The following KCNIP4 variants were observed in gnomAD, a reference collection of about 807,000 sequenced individuals.
KCNIP4 encodes Kv channel-interacting protein 4.
In KCNIP4, 12 loss-of-function variants were observed where a neutral mutation model predicts 34.0. That is an observed-to-expected ratio of 0.35 (90% CI 0.23 to 0.57). The LOEUF (loss-of-function observed/expected upper bound fraction) is 0.57, where lower values mean the gene tolerates loss of function less well. KCNIP4 is among the 20% of genes least tolerant of loss of function. The pLI is 0.83. For synonymous variants in KCNIP4, 124 were observed against 102.2 expected, an observed-to-expected ratio of 1.21 and a Z score of -1.29; for missense variants, 238 against 311.7, an observed-to-expected ratio of 0.76 and a Z score of 1.78.
At chr4:20,837,686 A>ATTTTTTTTT (rs1318687393) in intron 3 of KCNIP4, among the ~76,000 whole-genome samples, 1 of 117,400 alleles carries the variant, frequency 8.5e-6, no homozygotes, top group African/African-American at 3.4e-5. Context: ...ATATATATAT[A>ATTTTTTTTT]TTTTTTTTTC....
chr4:21,423,971 C>A (rs1007495787), intron 1 of KCNIP4, among the ~76,000 whole-genome samples: 10 of 135,464 alleles, frequency 7.4e-5, no homozygotes, highest in South Asian at 2.3e-4. Context: ...CCATGCCCGG[C>A]CAATTTTTTT....
chr4:20,764,357 A>T (rs1199125437), intron 3 of KCNIP4, among the ~76,000 whole-genome samples: 2 of 152,042 alleles, frequency 1.3e-5, no homozygotes, highest in African/African-American at 4.8e-5. Context: ...TTACATCATG[A>T]TTTTTAGTGA....
chr4:20,911,482 T>C (rs892993641), intron 1 of KCNIP4, among the ~76,000 whole-genome samples: 1 of 152,178 alleles, frequency 6.6e-6, no homozygotes, highest in Non-Finnish European at 1.5e-5. Context: ...TAAATTAATT[T>C]TCAAAGATTA....
chr4:21,000,642 G>A (rs564169994), intron 1 of KCNIP4, among the ~76,000 whole-genome samples: 61 of 151,966 alleles, frequency 4.0e-4, no homozygotes, highest in East Asian at 5.8e-4. Context: ...CCAAGATCGC[G>A]CTGTTGCACT....
At chr4:21,916,120 A>G (rs1393062928) in intron 1 of KCNIP4, among the ~76,000 whole-genome samples, 4 of 152,214 alleles carry the variant, frequency 2.6e-5, no homozygotes, top group African/African-American at 9.6e-5. Flanking sequence ...GACCAACATA[A>G]TATCAAGAAT....
At chr4:21,780,465 C>T (rs542121125) in intron 1 of KCNIP4, among the ~76,000 whole-genome samples, 4 of 152,112 alleles carry the variant, frequency 2.6e-5, no homozygotes, top group Non-Finnish European at 5.9e-5. Context: ...GACTTGTGAG[C>T]TATTTTTTTG....
At chr4:21,648,442 T>C (rs1343585354) in intron 1 of KCNIP4, among the ~76,000 whole-genome samples, 4 of 152,180 alleles carry the variant, frequency 2.6e-5, no homozygotes, top group African/African-American at 9.7e-5. Context: ...TGTGAGGCTC[T>C]TTATAAACTG....
chr4:20,851,159 G>A (rs142463090), intron 2 of KCNIP4, among the ~76,000 whole-genome samples: 1 of 152,234 alleles, frequency 6.6e-6, no homozygotes, highest in Non-Finnish European at 1.5e-5. Flanking sequence ...ATGAAGCCCA[G>A]CATCCATTAG....
chr4:21,858,445 G>T (rs1421570588), intron 1 of KCNIP4, among the ~76,000 whole-genome samples: 1 of 152,180 alleles, frequency 6.6e-6, no homozygotes, highest in Non-Finnish European at 1.5e-5. Context: ...TAAAATGAAA[G>T]TGTCTCAGCT....
At chr4:21,824,544 T>C (rs1490829906) in intron 1 of KCNIP4, among the ~76,000 whole-genome samples, 1 of 151,946 alleles carries the variant, frequency 6.6e-6, no homozygotes, top group Non-Finnish European at 1.5e-5. Flanking sequence ...GCAAGAAAAA[T>C]CCACTTGGAC....
chr4:20,989,158 G>A (rs1374182719), intron 1 of KCNIP4, among the ~76,000 whole-genome samples: 3 of 152,148 alleles, frequency 2.0e-5, no homozygotes, highest in African/African-American at 4.8e-5. Flanking sequence ...TGCTCTGCAC[G>A]TGTAAATAAA....
chr4:21,158,481 G>C (rs1753325468), intron 1 of KCNIP4, among the ~76,000 whole-genome samples: 1 of 152,126 alleles, frequency 6.6e-6, no homozygotes, highest in Admixed American at 6.5e-5. Flanking sequence ...TCTCAGGAAT[G>C]CAGTTAGTTT....
chr4:21,320,841 C>T (rs560811705), intron 1 of KCNIP4, among the ~76,000 whole-genome samples: 9 of 151,840 alleles, frequency 5.9e-5, no homozygotes, highest in East Asian at 2.0e-4. Context: ...CATGGTGGTA[C>T]GTGCCTGTAA....
intron 1 of KCNIP4, among the ~76,000 whole-genome samples, chr4:21,502,164 T>A (rs939686799): frequency 3.9e-5 from 6 of 152,088 alleles, no homozygotes; most frequent in Non-Finnish European, 8.8e-5. Context: ...ATAAAAATTG[T>A]AATATCTTAG....
chr4:21,854,441 T>C (rs1374772704), intron 1 of KCNIP4, among the ~76,000 whole-genome samples: 1 of 152,212 alleles, frequency 6.6e-6, no homozygotes, highest in Admixed American at 6.5e-5. Flanking sequence ...ATCAATGTTA[T>C]ATTTAACTTA....
chr4:21,137,871 C>CTTTTTTTTTTTTTTTTTTTT (rs144440285), intron 1 of KCNIP4, among the ~76,000 whole-genome samples: 8 of 118,152 alleles, frequency 6.8e-5, no homozygotes, highest in South Asian at 5.4e-4. Context: ...CTTACACAGG[C>CTTTTTTTTTTTTTTTTTTTT]TTTTTTGTTT....
intron 1 of KCNIP4, among the ~76,000 whole-genome samples, chr4:21,862,379 T>C (rs191212616): frequency 6.6e-6 from 1 of 152,210 alleles, no homozygotes; most frequent in East Asian, 1.9e-4. Context: ...TAACTCAGAA[T>C]AAAATAAAAT....
chr4:21,508,092 T>C (rs947019336), intron 1 of KCNIP4, among the ~76,000 whole-genome samples: 5 of 152,126 alleles, frequency 3.3e-5, no homozygotes, highest in Non-Finnish European at 7.4e-5. Context: ...CCAAACACCA[T>C]AGCATCTGCC....
chr4:21,293,079 T>C (rs181633538), intron 1 of KCNIP4, among the ~76,000 whole-genome samples: 37 of 152,310 alleles, frequency 2.4e-4, no homozygotes, highest in African/African-American at 5.1e-4. Context: ...TAGATAACCA[T>C]ATGTAAAACA....
Sources: gnomAD v4.1 joint callset for allele counts (sites outside exome capture counted in the v4.1 genomes callset) on GRCh38, gnomAD v4.1.1 for gene constraint, MANE v1.5 for transcripts, NCBI Gene and HGNC (gene_info 2026-07-23, HGNC 2026-07-21) for gene names.